ARNT: variants seen among roughly 807,000 people sequenced by gnomAD.
ARNT encodes the protein aryl hydrocarbon receptor nuclear translocator, also known as class E basic helix-loop-helix protein 2.
A neutral mutation model predicts 105.0 loss-of-function variants in ARNT; 30 were observed. The observed-to-expected ratio is 0.29, with a 90% CI of 0.21 to 0.39. The LOEUF (loss-of-function observed/expected upper bound fraction) is 0.39, where lower values mean the gene tolerates loss of function less well. ARNT is among the 10% of genes least tolerant of loss of function. The pLI is 1.00. For synonymous variants in ARNT, 304 were observed against 344.0 expected, an observed-to-expected ratio of 0.88 and a Z score of 1.29; for missense variants, 748 against 978.7, an observed-to-expected ratio of 0.76 and a Z score of 3.15.
In ARNT at chr1:150,811,769, G is replaced by C. The variant is rs1654776198; in HGVS notation, c.*252C>G. The C allele has an allele frequency of 3.2e-6, 1 of 315,174 alleles. No individual in the cohort carries two copies. The highest frequency in any genetic ancestry group is 4.6e-5 in the East Asian group (1 of 21,956). The allele number at this position is 315,174 out of a possible 1,614,324, so 19.5% of individuals were successfully genotyped here. A position where few individuals can be genotyped will look rare whatever the true frequency, so the allele number is the denominator to read the frequency against. The stretch of plus-strand genomic sequence containing the variant: ...TTTCAGGTCAGGAGACATAAGGAAA[G>C]GTGTTTTAACTTCACCCAGCCTCAA... On this transcript the variant is annotated 3_prime_UTR_variant, in exon 22 of 22. Transcript: ENST00000358595.
chr1:150,855,454 C>A (rs1371127826), intron 2 of ARNT, among the ~76,000 whole-genome samples: 1 of 151,372 alleles, frequency 6.6e-6, no homozygotes, highest in Admixed American at 6.6e-5. Flanking sequence ...CCCAGCTACT[C>A]GGGAGGCTGA....
At chr1:150,842,025 A>C (rs1053293828) in intron 5 of ARNT, among the ~76,000 whole-genome samples, 1 of 152,216 alleles carries the variant, frequency 6.6e-6, no homozygotes, top group African/African-American at 2.4e-5. Flanking sequence ...GTAAATGCTG[A>C]GGCCTAAATA....
intron 1 of ARNT, among the ~76,000 whole-genome samples, chr1:150,865,288 A>G (rs1376882225): frequency 6.6e-6 from 1 of 152,226 alleles, no homozygotes; most frequent in Non-Finnish European, 1.5e-5. Context: ...TTTACACAAG[A>G]CATAAAACCA....
intron 12 of ARNT, among the ~76,000 whole-genome samples, chr1:150,828,223 C>G (rs1340242224): frequency 1.3e-5 from 2 of 151,920 alleles, no homozygotes; most frequent in Admixed American, 1.3e-4. Flanking sequence ...CTCAAAATCA[C>G]AAAGATTTTC....
At chr1:150,815,808 G>A (rs1655732420) in intron 19 of ARNT, among the ~76,000 whole-genome samples, 1 of 147,316 alleles carries the variant, frequency 6.8e-6, no homozygotes, top group Non-Finnish European at 1.5e-5. Context: ...AGCTTGCAGT[G>A]AGCCAAGATC....
intron 13 of ARNT, among the ~76,000 whole-genome samples, chr1:150,824,084 G>A (rs866134459): frequency 2.0e-5 from 3 of 151,722 alleles, no homozygotes; most frequent in South Asian, 4.2e-4. Context: ...CTCGGGATCC[G>A]CCTGCCTCGG....
intron 5 of ARNT, among the ~76,000 whole-genome samples, chr1:150,841,781 T>G (rs956775480): frequency 6.6e-6 from 1 of 152,210 alleles, no homozygotes; most frequent in Admixed American, 6.5e-5. Flanking sequence ...GCCTAAGACA[T>G]AAAATTCTAT....
At chr1:150,825,538 G>C (rs956457494) in intron 13 of ARNT, among the ~76,000 whole-genome samples, 5 of 151,980 alleles carry the variant, frequency 3.3e-5, no homozygotes, top group African/African-American at 1.2e-4. Context: ...AATTCATTAC[G>C]ACTCTCACTC....
chr1:150,861,698 T>C (rs934877495), intron 1 of ARNT, among the ~76,000 whole-genome samples: 6 of 152,132 alleles, frequency 3.9e-5, no homozygotes, highest in Non-Finnish European at 7.4e-5. Flanking sequence ...ATTACAGGCA[T>C]GAGTCACCAC....
rs1469002821 is a variant in ARNT, at chr1:150,871,808, T to C, written c.25+4735A>G. On this transcript the variant is annotated intron_variant, in intron 1 of 21. Coordinates refer to ENST00000358595, the MANE Select transcript of ARNT (RefSeq NM_001668.4). The stretch of plus-strand genomic sequence containing the variant: ...CTGTAATCCCAGCTACTCGGGAGGC[T>C]GAGGCGGGAGAATAGCTTGAACCCA... 2.1e-5 allele frequency among the ~76,000 whole-genome samples: 3 copies of C among 141,734 alleles called. No homozygotes were observed. The East Asian group carries it at 6.4e-4, about 30-fold the overall frequency. 93.0% of individuals were successfully genotyped at this position (141,734 alleles called of 152,430 possible).
At chr1:150,841,968 T>C (rs1212269629) in intron 5 of ARNT, among the ~76,000 whole-genome samples, 2 of 152,212 alleles carry the variant, frequency 1.3e-5, no homozygotes, top group Non-Finnish European at 2.9e-5. Flanking sequence ...TAATCTAGGC[T>C]GTGAGTCTTC....
At chr1:150,815,012 A>T (rs1282664468) in intron 19 of ARNT, among the ~76,000 whole-genome samples, 1 of 152,222 alleles carries the variant, frequency 6.6e-6, no homozygotes, top group Non-Finnish European at 1.5e-5. Context: ...AGGAAAATAT[A>T]AAGAAAATAA....
intron 1 of ARNT, among the ~76,000 whole-genome samples, chr1:150,860,142 T>C (rs587749422): frequency 6.6e-5 from 10 of 151,668 alleles, no homozygotes; most frequent in South Asian, 2.1e-4. Context: ...TACTGTATAG[T>C]GTACAATATT....
At chr1:150,847,853 T>C (rs1423554517) in intron 3 of ARNT, among the ~76,000 whole-genome samples, 7 of 152,216 alleles carry the variant, frequency 4.6e-5, no homozygotes, top group Admixed American at 4.6e-4. Flanking sequence ...TACTTCCACT[T>C]GCAACTATTT....
At chr1:150,818,776 TA>T (rs1221759955) in intron 14 of ARNT, among the ~76,000 whole-genome samples, 1 of 151,990 alleles carries the variant, frequency 6.6e-6, no homozygotes, top group Non-Finnish European at 1.5e-5. Flanking sequence ...AACAAATCCC[TA>T]AAAGCTAATT....
chr1:150,821,775 A>C (rs765906531), intron 14 of ARNT, among the ~76,000 whole-genome samples: 6 of 151,176 alleles, frequency 4.0e-5, no homozygotes, highest in Admixed American at 2.0e-4. Context: ...TAACCTCCCA[A>C]GTAGCTGGGA....
intron 1 of ARNT, among the ~76,000 whole-genome samples, chr1:150,871,809 G>A (rs1211766469): frequency 6.8e-6 from 1 of 147,374 alleles, no homozygotes; most frequent in Admixed American, 6.8e-5. Flanking sequence ...TCGGGAGGCT[G>A]AGGCGGGAGA....
At chr1:150,822,191 T>A (rs999887914) in intron 14 of ARNT, among the ~76,000 whole-genome samples, 2 of 152,148 alleles carry the variant, frequency 1.3e-5, no homozygotes, top group Admixed American at 6.6e-5. Flanking sequence ...TCTAATATAT[T>A]TACTGAAAAA....
intron 21 of ARNT, 106 bp downstream of exon 21, chr1:150,813,066 C>T: frequency 7.6e-7 from 1 of 1,310,476 alleles, no homozygotes; most frequent in Non-Finnish European, 1.1e-6. Context: ...CACATATACC[C>T]CCAACCAAAC....
Sources: allele counts gnomAD v4.1 joint callset (sites outside exome capture counted in the v4.1 genomes callset), GRCh38; gene constraint gnomAD v4.1.1; transcripts MANE v1.5; gene names NCBI Gene and HGNC (gene_info 2026-07-23, HGNC 2026-07-21).